The following DRAM2 variants were observed in gnomAD, a reference collection of about 807,000 sequenced individuals.
DRAM2 encodes DNA damage regulated autophagy modulator 2.
A neutral mutation model predicts 33.5 loss-of-function variants in DRAM2; 26 were observed. The observed-to-expected ratio is 0.78, with a 90% confidence interval of 0.57 to 1.08. The LOEUF is 1.08. Ranked by LOEUF, DRAM2 falls within the 50% of genes least tolerant of loss-of-function variation. The pLI is 0.00. For synonymous variants in DRAM2, 98 were observed against 109.5 expected (o/e 0.89, Z 0.66); for missense variants, 311 against 318.1 (o/e 0.98, Z 0.17).
intron 3 of DRAM2, among the ~76,000 whole-genome samples, chr1:111,132,597 T>G (rs1434689810): frequency 6.6e-6 from 1 of 152,088 alleles, no homozygotes; most frequent in Non-Finnish European, 1.5e-5. Context: ...GAGAGAAATC[T>G]CCATACTTCT....
chr1:111,120,381 CAAAAAAAAAAAAAAAAAAA>C lies in DRAM2; in HGVS notation c.517+116_517+134del, dbSNP rs200318036. ...ATTGTGAACCTAAGAATCTCTCCTA[CAAAAAAAAAAAAAAAAAAA>C]AAAAAAAAAAAAAAAAAAAGACAAA... is the stretch of plus-strand genomic sequence containing the variant. On this transcript the variant is annotated intron_variant, in intron 7 of 9. Transcript: ENST00000484310. 428 of 173,130 alleles carry C rather than the reference CAAAAAAAAAAAAAAAAAAA, an allele frequency of 2.5e-3. 10 individuals carry two copies. The highest frequency in any genetic ancestry group is 8.9e-3 in the Middle Eastern group (5 of 560). The allele number at this position is 173,130 out of a possible 1,614,324, so 10.7% of individuals were successfully genotyped here.
At chr1:111,137,335 C>T (rs1653444713) in intron 3 of DRAM2, among the ~76,000 whole-genome samples, 188 bp downstream of exon 3, 1 of 150,718 alleles carries the variant, frequency 6.6e-6, no homozygotes, top group Admixed American at 6.6e-5. Flanking sequence ...ACAGCTTATA[C>T]TGATAGCACA....
At chr1:111,119,613 A>G in intron 8 of DRAM2, 1 of 426,594 alleles carries the variant, frequency 2.3e-6, no homozygotes, top group Non-Finnish European at 4.2e-6. Flanking sequence ...TACTATACCC[A>G]CATTTAGGGG....
At chr1:111,135,162 A>G (rs1347454474) in intron 3 of DRAM2, among the ~76,000 whole-genome samples, 1 of 152,196 alleles carries the variant, frequency 6.6e-6, no homozygotes, top group East Asian at 1.9e-4. Context: ...TGCTTCTCCA[A>G]TACCATGAGT....
chr1:111,130,037 T>A (rs1165412528), intron 4 of DRAM2, among the ~76,000 whole-genome samples: 1 of 148,488 alleles, frequency 6.7e-6, no homozygotes, highest in Non-Finnish European at 1.5e-5. Context: ...ATTGCAATTT[T>A]AAAAAAAGAG....
Position 111,131,559 on chromosome 1 carries a change from A to T in DRAM2, c.-5T>A, listed in dbSNP as rs1419825039. The T allele has an allele frequency of 6.2e-7, 1 of 1,613,102 alleles. No homozygotes were observed. The highest frequency in any genetic ancestry group is 1.3e-5 in the African/African-American group (1 of 74,762). ...GCCTTGCTGAAACCACCACATTTCT[A>T]ACAGGTTTTCTGAAATAGAGAAAAC... is the stretch of plus-strand genomic sequence containing the variant. On this transcript the variant is annotated 5_prime_UTR_variant, in exon 4 of 10. Transcript: ENST00000484310.
At chr1:111,126,939 C>G (rs750022463) in intron 4 of DRAM2, among the ~76,000 whole-genome samples, 3 of 152,200 alleles carry the variant, frequency 2.0e-5, no homozygotes, top group African/African-American at 7.2e-5. Context: ...ACTTACCACA[C>G]AGCATTGCAA....
At chr1:111,118,432 T>A in intron 9 of DRAM2, 165 bp from the exon 10 acceptor site, 1 of 528,412 alleles carries the variant, frequency 1.9e-6, no homozygotes. Context: ...CCAATTAAAA[T>A]CTGGAAAAAC....
At chr1:111,134,519 C>T (rs325934) in intron 3 of DRAM2, among the ~76,000 whole-genome samples, 1,977 of 152,016 alleles carry the variant, frequency 0.013, no homozygotes, top group African/African-American at 0.046. Context: ...TCCTTAACAT[C>T]CCATCAATAT....
chr1:111,136,431 G>A (rs1653164648), intron 3 of DRAM2, among the ~76,000 whole-genome samples: 1 of 151,928 alleles, frequency 6.6e-6, no homozygotes, highest in Admixed American at 6.6e-5. Flanking sequence ...CAGGCATGGT[G>A]GCGTGCGCCT....
In DRAM2 at chr1:111,122,662, C is replaced by T. The variant is rs571496519; in HGVS notation, c.340-1969G>A. ...GTTTACTCTGGAAAGGAAGGAGATCCTCATTAGTATAGCAGTGGGTAAAAA... is the reference window on the plus strand; with the variant it reads ...GTTTACTCTGGAAAGGAAGGAGATCTTCATTAGTATAGCAGTGGGTAAAAA... On this transcript the variant is annotated intron_variant, in intron 6 of 9. Coordinates refer to ENST00000484310, the MANE Select transcript of DRAM2 (RefSeq NM_001349884.2). 2.9e-4 allele frequency: 43 copies of T among 149,604 alleles called. 2 individuals are homozygous for T. The highest frequency in any genetic ancestry group is 6.9e-3 in the Middle Eastern group (2 of 290). 9.3% of individuals were successfully genotyped at this position (149,604 alleles called of 1,614,324 possible).
Position 111,120,498 on chromosome 1 carries a change from T to C in DRAM2, c.517+18A>G, listed in dbSNP as rs574791581. 4.5e-5 allele frequency: 69 copies of C among 1,544,700 alleles called. No homozygotes were observed. Among genetic ancestry groups the C allele is most frequent in the South Asian group, 1.8e-4 (15 of 81,364 alleles). ...CAATTCCTTTCCAAGTGTAGCCACA[T>C]TGTACAGTGAAGGATACTGCTAAGT... On this transcript the variant is annotated intron_variant, in intron 7 of 9. Coordinates refer to ENST00000484310, the MANE Select transcript of DRAM2 (RefSeq NM_001349884.2).
At chr1:111,132,287 C>T (rs1652261558) in intron 3 of DRAM2, among the ~76,000 whole-genome samples, 1 of 152,208 alleles carries the variant, frequency 6.6e-6, no homozygotes, top group African/African-American at 2.4e-5. Flanking sequence ...AGAGAGGGCA[C>T]AGAAGCTCCG....
At chr1:111,129,521 A>T (rs771940968) in intron 4 of DRAM2, among the ~76,000 whole-genome samples, 2 of 152,202 alleles carry the variant, frequency 1.3e-5, no homozygotes, top group African/African-American at 4.8e-5. Context: ...TAGCTCAGAA[A>T]CCATTCATAT....
intron 3 of DRAM2, among the ~76,000 whole-genome samples, chr1:111,136,478 T>G (rs181096744): frequency 6.6e-6 from 1 of 151,624 alleles, no homozygotes; most frequent in African/African-American, 2.4e-5. Flanking sequence ...AGTAGGAGAA[T>G]GGAGGCTGAG....
chr1:111,124,970 C>A, intron 5 of DRAM2, 89 bp from the exon 6 acceptor site: 2 of 1,077,694 alleles, frequency 1.9e-6, no homozygotes, highest in South Asian at 1.6e-5. Context: ...TCACTGCTAT[C>A]CAGAATCACA....
chr1:111,128,461 A>G (rs1025274798), intron 4 of DRAM2, among the ~76,000 whole-genome samples: 2 of 152,140 alleles, frequency 1.3e-5, no homozygotes, highest in Non-Finnish European at 2.9e-5. Context: ...AAGGAAGTGA[A>G]ACTCAGAAAA....
chr1:111,127,980 T>TA (rs1651349364), intron 4 of DRAM2: 2 of 152,156 alleles, frequency 1.3e-5, no homozygotes, highest in Non-Finnish European at 2.9e-5. Context: ...TTTCTTCTCT[T>TA]ACCCCAGTGG....
At chr1:111,137,944 G>A (rs1426130139) in intron 2 of DRAM2, among the ~76,000 whole-genome samples, 2 of 152,188 alleles carry the variant, frequency 1.3e-5, no homozygotes, top group African/African-American at 2.4e-5. Context: ...GCAAGTCCAT[G>A]TGATGTAAAG....
Sources: gnomAD v4.1 joint callset for allele counts (sites outside exome capture counted in the v4.1 genomes callset) on GRCh38, gnomAD v4.1.1 for gene constraint, MANE v1.5 for transcripts, NCBI Gene and HGNC (gene_info 2026-07-23, HGNC 2026-07-21) for gene names.